The following CAMTA1 variants were observed in gnomAD, a reference collection of about 807,000 sequenced individuals.
The protein encoded by CAMTA1 is calmodulin binding transcription activator 1.
CAMTA1 carries 27 observed loss-of-function variants against 170.9 expected under a neutral mutation model. The ratio of observed to expected loss-of-function variants is 0.16; its 90% CI spans 0.12 to 0.22. CAMTA1 has a LOEUF of 0.22. Ranked by LOEUF, CAMTA1 falls within the 10% of genes least tolerant of loss-of-function variation. The pLI is 1.00. For synonymous variants in CAMTA1, 833 were observed against 891.5 expected, an observed-to-expected ratio of 0.93 and a Z score of 1.17; for missense variants, 1,619 against 2,217.2, an observed-to-expected ratio of 0.73 and a Z score of 5.42.
chr1:7,124,112 G>A (rs1168477145), intron 4 of CAMTA1, among the ~76,000 whole-genome samples: 1 of 152,106 alleles, frequency 6.6e-6, no homozygotes, highest in African/African-American at 2.4e-5. Context: ...GTCATTCTCC[G>A]CATTTGTCAC....
chr1:7,535,246 C>A (rs979684104), intron 6 of CAMTA1, among the ~76,000 whole-genome samples: 9 of 152,172 alleles, frequency 5.9e-5, no homozygotes, highest in East Asian at 3.9e-4. Flanking sequence ...AAGTCAGGCA[C>A]CCCTGGCAGG....
intron 3 of CAMTA1, among the ~76,000 whole-genome samples, chr1:6,953,126 G>T (rs1688797422): frequency 6.6e-6 from 1 of 152,178 alleles, no homozygotes. Context: ...AACATGATTT[G>T]TAATGTTTGC....
chr1:7,121,056 C>T (rs1025237701), intron 4 of CAMTA1, among the ~76,000 whole-genome samples: 1 of 152,180 alleles, frequency 6.6e-6, no homozygotes, highest in Non-Finnish European at 1.5e-5. Flanking sequence ...GTACTGCCTC[C>T]TAGGGGCCTG....
chr1:7,556,423 C>A (rs771033906), intron 6 of CAMTA1, among the ~76,000 whole-genome samples: 1 of 152,198 alleles, frequency 6.6e-6, no homozygotes, highest in Non-Finnish European at 1.5e-5. Context: ...AATGGCATGA[C>A]GACTGTGCCT....
At chr1:7,577,133 C>G (rs1297275935) in intron 6 of CAMTA1, among the ~76,000 whole-genome samples, 1 of 152,184 alleles carries the variant, frequency 6.6e-6, no homozygotes, top group Non-Finnish European at 1.5e-5. Context: ...ATCAACAAGC[C>G]AGCATCGTCC....
At chr1:7,679,270 G>T (rs1484668184) in intron 11 of CAMTA1, among the ~76,000 whole-genome samples, 2 of 152,186 alleles carry the variant, frequency 1.3e-5, no homozygotes, top group African/African-American at 4.8e-5. Flanking sequence ...GACTTGGCCG[G>T]CCTCACTAGA....
At chr1:7,004,081 C>T (rs1698632034) in intron 3 of CAMTA1, among the ~76,000 whole-genome samples, 1 of 152,076 alleles carries the variant, frequency 6.6e-6, no homozygotes. Flanking sequence ...AAAAAATTGC[C>T]CAACATGCTT....
At chr1:6,872,167 C>T (rs1668574257) in intron 3 of CAMTA1, 1 of 204,670 alleles carries the variant, frequency 4.9e-6, no homozygotes, top group Non-Finnish European at 9.1e-6. Context: ...GACACCCATA[C>T]CTCTTCTCTA....
rs74363732 is a variant in CAMTA1, at chr1:7,382,199, C to T, written c.439-85631C>T. Among the ~76,000 whole-genome samples, 1,328 of 152,306 alleles carry T rather than the reference C, an allele frequency of 8.7e-3. 17 individuals are homozygous for T. The highest frequency in any genetic ancestry group is 0.03 in the African/African-American group (1,267 of 41,570). On this transcript the variant is annotated intron_variant, in intron 5 of 22. Transcript: ENST00000303635. Reference sequence around the variant, plus strand: ...AAATGTAGGCTTCACTCTGAGTGTCCACATGCCCAGCTAAATTTGGGGATT... The same window carrying T: ...AAATGTAGGCTTCACTCTGAGTGTCTACATGCCCAGCTAAATTTGGGGATT...
chr1:7,316,258 G>T (rs1196508212), intron 5 of CAMTA1, among the ~76,000 whole-genome samples: 1 of 152,168 alleles, frequency 6.6e-6, no homozygotes. Flanking sequence ...TCCTCCCTGG[G>T]TCTTCACATG....
intron 5 of CAMTA1, among the ~76,000 whole-genome samples, chr1:7,255,034 C>T (rs759569386): frequency 2.0e-4 from 31 of 152,104 alleles, no homozygotes; most frequent in Non-Finnish European, 3.5e-4. Context: ...ATGTGTCTCA[C>T]GAACAGAAAA....
rs375144441 is a variant in CAMTA1, at chr1:7,664,575, G to A, written c.2028G>A (p.Gln676=). ...IESTSSLHLM[Q]FQANFQAMTA... ...CCACTTCCTCCCTCCACCTCATGCA[G>A]TTCCAGGCCAACTTCCAGGCCATGA... Residue 676 remains glutamine, a synonymous_variant, in exon 9 of 23, where the codon CAG becomes CAA. Transcript: ENST00000303635. The A allele has an allele frequency of 3.2e-5, 51 of 1,612,954 alleles. No homozygotes were observed. Among genetic ancestry groups the A allele is most frequent in the Non-Finnish European group, 4.1e-5 (48 of 1,179,942 alleles).
At chr1:7,589,680 T>A (rs543252645) in intron 6 of CAMTA1, among the ~76,000 whole-genome samples, 4 of 152,296 alleles carry the variant, frequency 2.6e-5, no homozygotes, top group Admixed American at 2.6e-4. Flanking sequence ...TTCTCTACTC[T>A]AGTGATATTG....
chr1:7,257,281 T>C (rs1022611139), intron 5 of CAMTA1, among the ~76,000 whole-genome samples: 1 of 152,134 alleles, frequency 6.6e-6, no homozygotes, highest in African/African-American at 2.4e-5. Context: ...AACATCCCTA[T>C]CAGGTAGATA....
chr1:7,142,742 G>T (rs1379410838), intron 4 of CAMTA1, among the ~76,000 whole-genome samples: 3 of 152,124 alleles, frequency 2.0e-5, no homozygotes, highest in African/African-American at 7.2e-5. Flanking sequence ...AGCAGCCTGA[G>T]GCCCTCACCA....
chr1:6,999,293 T>A (rs1697821888), intron 3 of CAMTA1, among the ~76,000 whole-genome samples: 1 of 152,210 alleles, frequency 6.6e-6, no homozygotes, highest in African/African-American at 2.4e-5. Flanking sequence ...CTGGGTAATT[T>A]ATAAAGAAAA....
At chr1:7,187,428 AT>A (rs1010675781) in intron 4 of CAMTA1, among the ~76,000 whole-genome samples, 21 of 152,148 alleles carry the variant, frequency 1.4e-4, no homozygotes, top group African/African-American at 4.6e-4. Context: ...GCAGATGGTG[AT>A]TTTTTTTAAC....
At chr1:7,542,969 A>G (rs1195025455) in intron 6 of CAMTA1, among the ~76,000 whole-genome samples, 1 of 150,844 alleles carries the variant, frequency 6.6e-6, no homozygotes, top group African/African-American at 2.4e-5. Context: ...CATTCACGCC[A>G]TTCTCCTGCC....
chr1:7,735,484 G>A (rs994980408), intron 12 of CAMTA1, among the ~76,000 whole-genome samples: 1 of 151,416 alleles, frequency 6.6e-6, no homozygotes, highest in African/African-American at 2.4e-5. Flanking sequence ...AAGAAAGAGA[G>A]TGAAAGAGCC....
Sources: allele counts gnomAD v4.1 joint callset (sites outside exome capture counted in the v4.1 genomes callset), GRCh38; gene constraint gnomAD v4.1.1; transcripts MANE v1.5; gene names NCBI Gene and HGNC (gene_info 2026-07-23, HGNC 2026-07-21).